The following SMARCA4 variants were observed in gnomAD, a reference collection of about 807,000 sequenced individuals.
SMARCA4 encodes the protein SWI/SNF related BAF chromatin remodeling complex subunit ATPase 4, also known as SWI/SNF-related matrix-associated actin-dependent regulator of chromatin subfamily A member 4.
A neutral mutation model predicts 193.9 loss-of-function variants in SMARCA4; 31 were observed. The ratio of observed to expected loss-of-function variants is 0.16; its 90% CI spans 0.12 to 0.22. SMARCA4 has a LOEUF of 0.22. Among genes scored for constraint, SMARCA4 ranks in the 10% least tolerant of loss-of-function variants. The pLI is 1.00. For synonymous variants in SMARCA4, 942 were observed against 933.1 expected (o/e 1.01, Z -0.17); for missense variants, 1,148 against 2,296.0 (o/e 0.50, Z 10.22).
chr19:11,054,307 G>A (rs1261471465), intron 30 of SMARCA4, among the ~76,000 whole-genome samples: 1 of 152,224 alleles, frequency 6.6e-6, no homozygotes, highest in African/African-American at 2.4e-5. Context: ...ACTGGGCATG[G>A]CTGGTGTGTG....
rs766237791 is a variant in SMARCA4, at chr19:11,007,950, G to A, written c.2050G>A (p.Val684Met). The A allele has an allele frequency of 1.1e-5, 18 of 1,613,670 alleles. No homozygotes were observed. The highest frequency in any genetic ancestry group is 1.7e-5 in the Admixed American group (1 of 60,006). The change falls in exon 14 of 35, where the codon GTG becomes ATG. Residue 684 changes from valine (V) to methionine (M), a missense_variant. By Grantham distance (21) the Val-to-Met change is conservative (BLOSUM62 1). Around this residue, in one of 17 missense-constraint regions of SMARCA4, gnomAD observed 115 missense variants for 175.1 expected, o/e 0.66. Transcript: ENST00000344626. ...GGCAGCACAGCCTCCCACCCTGCCC[G>A]TGGAGGAGAAGAAGAAGATTCCAGA... is the stretch of plus-strand genomic sequence containing the variant. ...PQAAQPPTLP[V>M]EEKKKIPDPD...
chr19:11,013,261 T>A, intron 16 of SMARCA4, 149 bp downstream of exon 16: 1 of 863,414 alleles, frequency 1.2e-6, no homozygotes, highest in Non-Finnish European at 1.9e-6. Context: ...GGTCAAGGTG[T>A]AGCAGGTTGC....
At chr19:11,024,030 C>G (rs1244277598) in intron 20 of SMARCA4, among the ~76,000 whole-genome samples, 1 of 152,188 alleles carries the variant, frequency 6.6e-6, no homozygotes, top group East Asian at 1.9e-4. Context: ...GACTCGGGGT[C>G]CCCGGCTGCA....
chr19:11,052,054 C>G (rs529423222), intron 30 of SMARCA4, among the ~76,000 whole-genome samples: 1 of 152,214 alleles, frequency 6.6e-6, no homozygotes, highest in African/African-American at 2.4e-5. Context: ...GAGATTGTGC[C>G]ACTGCACTCC....
chr19:10,971,883 A>G (rs1347739661), intron 1 of SMARCA4, among the ~76,000 whole-genome samples: 1 of 151,040 alleles, frequency 6.6e-6, no homozygotes, highest in Non-Finnish European at 1.5e-5. Flanking sequence ...CCCGGGTTCA[A>G]GCGATTTCAA....
chr19:10,965,550 C>G (rs1318990792), intron 1 of SMARCA4, among the ~76,000 whole-genome samples: 1 of 152,134 alleles, frequency 6.6e-6, no homozygotes, highest in Admixed American at 6.6e-5. Context: ...TGTTTAACAG[C>G]AGGGATGCAT....
chr19:11,016,193 C>T (rs2089342151), intron 16 of SMARCA4, among the ~76,000 whole-genome samples: 1 of 152,018 alleles, frequency 6.6e-6, no homozygotes, highest in Admixed American at 6.6e-5. Flanking sequence ...ACCATAGCTC[C>T]CACGAGAGTT....
intron 30 of SMARCA4, among the ~76,000 whole-genome samples, chr19:11,043,180 A>T (rs920074225): frequency 3.3e-5 from 5 of 151,686 alleles, no homozygotes; most frequent in Admixed American, 3.3e-4. Context: ...AATCCCAGCT[A>T]CTCGGGAGGC....
intron 30 of SMARCA4, chr19:11,047,646 G>A (rs2076022075): frequency 1.3e-5 from 2 of 152,234 alleles, no homozygotes; most frequent in Admixed American, 1.3e-4. Context: ...CCGACCTTAA[G>A]TGATCCGCCC....
chr19:11,026,259 T>A (rs966651383), intron 22 of SMARCA4, 41 bp from the exon 23 acceptor site: 2 of 1,576,316 alleles, frequency 1.3e-6, no homozygotes, highest in Non-Finnish European at 8.7e-7. Flanking sequence ...CCCGGTGGCC[T>A]GCTCCTGCCT....
chr19:11,053,405 T>C (rs2076369268), intron 30 of SMARCA4, among the ~76,000 whole-genome samples: 1 of 148,826 alleles, frequency 6.7e-6, no homozygotes, highest in South Asian at 2.1e-4. Flanking sequence ...TAAGCCAAGA[T>C]TGCACCACTG....
At position 11,033,531 on chromosome 19, in the gene SMARCA4, C is replaced by A. The variant is rs200481546; in HGVS notation, c.3774+14C>A. The A allele has an allele frequency of 6.3e-7, 1 of 1,597,528 alleles. No homozygotes were observed. The highest frequency in any genetic ancestry group is 8.6e-7 in the Non-Finnish European group (1 of 1,165,890). On this transcript the variant is annotated intron_variant, in intron 26 of 34. Coordinates refer to ENST00000344626, the MANE Select transcript of SMARCA4 (RefSeq NM_003072.5). The surrounding 1 kb of genome is among the most constrained non-coding windows in gnomAD (Gnocchi z 9.8). ...GAGCAGGATGAGGTGAGCCCAGCACCGGCCCCGACCCCTCCCCAGCGTGAA... is the reference window on the plus strand; with the variant it reads ...GAGCAGGATGAGGTGAGCCCAGCACAGGCCCCGACCCCTCCCCAGCGTGAA...
At chr19:10,974,694 T>TA (rs2084980207) in intron 1 of SMARCA4, among the ~76,000 whole-genome samples, 24 of 50,502 alleles carry the variant, frequency 4.8e-4, no homozygotes, top group African/African-American at 1.8e-3. Flanking sequence ...TATATATTTT[T>TA]TTTTTTTTTT....
At chr19:11,038,597 G>A (rs565480532) in intron 29 of SMARCA4, among the ~76,000 whole-genome samples, 75 of 152,188 alleles carry the variant, frequency 4.9e-4, no homozygotes, top group African/African-American at 1.8e-3. Flanking sequence ...CACCTGACAC[G>A]TTTGTTACCC....
rs1555763825 is a variant in SMARCA4 at position 10,996,389 on chromosome 19, G to T, written c.1761+9G>T. 6.2e-7 allele frequency: 1 copy of T among 1,614,214 alleles called. No individual in the cohort carries two copies. The highest frequency in any genetic ancestry group is 8.5e-7 in the Non-Finnish European group (1 of 1,180,036). ...AGAAAAAGAAAAAGAAGGTGTGCTG[G>T]GCCTGGCATGGTGCCCGCCGCGGGT... On this transcript the variant is annotated intron_variant, in intron 10 of 34. Coordinates refer to ENST00000344626, the MANE Select transcript of SMARCA4 (RefSeq NM_003072.5).
At chr19:11,009,727 C>T (rs752118217) in intron 14 of SMARCA4, among the ~76,000 whole-genome samples, 84 of 148,066 alleles carry the variant, frequency 5.7e-4, no homozygotes, top group Non-Finnish European at 9.4e-4. Context: ...CTTGCTCTGT[C>T]GCCCAGGCTA....
chr19:11,013,318 T>C (rs1460393046), intron 16 of SMARCA4, among the ~76,000 whole-genome samples: 1 of 152,232 alleles, frequency 6.6e-6, no homozygotes, highest in Non-Finnish European at 1.5e-5. Context: ...CGTGCTTACA[T>C]GTATCTCACT....
chr19:10,989,995 G>A (rs781525549), intron 7 of SMARCA4, among the ~76,000 whole-genome samples: 3 of 151,304 alleles, frequency 2.0e-5, no homozygotes, highest in African/African-American at 4.9e-5. Context: ...ACCACGTGCT[G>A]TCCTGCATGG....
At position 10,986,559 on chromosome 19, in the gene SMARCA4, C is replaced by T. The variant is rs578260605; in HGVS notation, c.726C>T (p.Pro242=). ...CTGGCCCTGGCCCCGGCCCGGGTCC[C>T]GGCCCGGCACCTCCAAATTACAGCA... ...PGPGPGPGPG[P]GPAPPNYSRP... The change falls in exon 4 of 35, where the codon CCC becomes CCT. Residue 242 remains proline (P), a synonymous_variant. Transcript: ENST00000344626. The surrounding 1 kb of genome is among the most constrained non-coding windows in gnomAD (Gnocchi z 6.7). 107 of 1,537,910 alleles carry T rather than the reference C, an allele frequency of 7.0e-5. No individual in the cohort carries two copies. The highest frequency in any genetic ancestry group is 3.3e-4 in the Middle Eastern group (2 of 5,984).
Sources: allele counts gnomAD v4.1 joint callset (sites outside exome capture counted in the v4.1 genomes callset), GRCh38; gene constraint gnomAD v4.1.1; regional missense constraint gnomAD v4.1.1; non-coding constraint Gnocchi (gnomAD v3.1); transcripts MANE v1.5; gene names NCBI Gene and HGNC (gene_info 2026-07-23, HGNC 2026-07-21).